Variants in MON2 observed in about 807,000 individuals in gnomAD.
MON2 encodes MON2 regulator of endosome-to-Golgi trafficking, also known as protein MON2 homolog.
In MON2, 84 loss-of-function variants were observed where a neutral mutation model predicts 208.6. That is an observed-to-expected ratio of 0.40 (90% confidence interval 0.34 to 0.48). The LOEUF is 0.48. Among genes scored for constraint, MON2 ranks in the 20% least tolerant of loss-of-function variants. The probability of loss-of-function intolerance (pLI) is 0.59; values close to 1 mark genes in which losing one functional copy is unlikely to be tolerated. For synonymous variants in MON2, 660 were observed against 694.0 expected (o/e 0.95, Z 0.77); for missense variants, 1,611 against 2,015.4 (o/e 0.80, Z 3.84).
chr12:62,543,681 C>T (rs927371574), intron 20 of MON2, among the ~76,000 whole-genome samples: 2 of 152,058 alleles, frequency 1.3e-5, no homozygotes, highest in Non-Finnish European at 2.9e-5. Flanking sequence ...GGTCTCGCCT[C>T]ACTGCAACCG....
Position 62,532,337 on chromosome 12 carries a change from G to A in MON2, c.1401-101G>A, listed in dbSNP as rs79570662. 3,069 of 871,478 alleles carry A rather than the reference G, an allele frequency of 3.5e-3. 59 individuals are homozygous for A. In the African/African-American group the frequency reaches 0.045, roughly 13 times the overall value. 54.0% of individuals were successfully genotyped at this position (871,478 alleles called of 1,614,324 possible). A position where few individuals can be genotyped will look rare whatever the true frequency, so the allele number is the denominator to read the frequency against. On this transcript the variant is annotated intron_variant, in intron 11 of 34. Coordinates refer to ENST00000393630, the MANE Select transcript of MON2 (RefSeq NM_015026.3). ...ATGTCCCTTTATTTTTTGCTATTCT[G>A]TTAATCTTAATTTCTATAGTCTGTA...
intron 8 of MON2, among the ~76,000 whole-genome samples, chr12:62,520,526 G>A (rs2071970337): frequency 6.6e-6 from 1 of 152,052 alleles, no homozygotes. Flanking sequence ...ATTCCACAGG[G>A]TAAAAAGACT....
chr12:62,550,898 C>CTTCT (rs201756958), intron 23 of MON2, among the ~76,000 whole-genome samples: 3 of 130,066 alleles, frequency 2.3e-5, no homozygotes, highest in African/African-American at 5.8e-5. Flanking sequence ...GCTGTACTTT[C>CTTCT]TTCTTTCTTT....
Position 62,501,668 on chromosome 12 carries a change from C to A in MON2, c.759C>A (p.Val253=), listed in dbSNP as rs1197354204. 6.2e-7 allele frequency: 1 copy of A among 1,614,024 alleles called. No homozygotes were observed. Residue 253 remains valine (V), a synonymous_variant, in exon 7 of 35, where the codon GTC becomes GTA. Coordinates refer to ENST00000393630, the MANE Select transcript of MON2 (RefSeq NM_015026.3). ...RTFGLELLES[V]LNDFPQVFLQ... is the part of the protein sequence containing the mutation. Reference sequence around the variant, plus strand: ...TTGGCCTCGAATTACTTGAGTCAGTCCTCAATGATTTTCCGCAGGTCTTTT... The same window carrying A: ...TTGGCCTCGAATTACTTGAGTCAGTACTCAATGATTTTCCGCAGGTCTTTT...
At position 62,591,788 on chromosome 12, in the gene MON2, A is replaced by G. The variant is rs570477023; in HGVS notation, c.4991-798A>G. On this transcript the variant is annotated intron_variant, in intron 34 of 34. Transcript: ENST00000393630. ...TAAATTGTAGTGAAAAACAGAATCAAAGCTCTCTACACATAGTATTTATTT... is the reference window on the plus strand; with the variant it reads ...TAAATTGTAGTGAAAAACAGAATCAGAGCTCTCTACACATAGTATTTATTT... Among the ~76,000 whole-genome samples the G allele has an allele frequency of 1.2e-4, 19 of 152,228 alleles. 1 individual carries two copies. In the East Asian group the frequency reaches 3.5e-3, roughly 28 times the overall value.
chr12:62,573,828 G>T (rs374558202), intron 30 of MON2, among the ~76,000 whole-genome samples: 1 of 151,920 alleles, frequency 6.6e-6, no homozygotes, highest in African/African-American at 2.4e-5. Context: ...GGAACCAAAG[G>T]CCAAATAATA....
At position 62,513,936 on chromosome 12, in the gene MON2, C is replaced by T. The variant is rs148312103; in HGVS notation, c.984+5456C>T. ...CTGCACTCCAGCCTGGGTGACAGAG[C>T]GAGACTCCATCTCAAAAAAAAAAAG... On this transcript the variant is annotated intron_variant, in intron 8 of 34. Coordinates refer to ENST00000393630, the MANE Select transcript of MON2 (RefSeq NM_015026.3). Among the ~76,000 whole-genome samples, 933 of 145,012 alleles carry T rather than the reference C, an allele frequency of 6.4e-3. 94 individuals carry two copies. Among genetic ancestry groups the T allele is most frequent in the Admixed American group, 9.6e-3 (136 of 14,112 alleles).
At chr12:62,520,313 AAGAGTCTT>A (rs1292407788) in intron 8 of MON2, among the ~76,000 whole-genome samples, 1 of 152,144 alleles carries the variant, frequency 6.6e-6, no homozygotes, top group Non-Finnish European at 1.5e-5. Context: ...CATATATCAG[AAGAGTCTT>A]AGGTTATAGG....
intron 30 of MON2, among the ~76,000 whole-genome samples, chr12:62,572,373 C>T (rs1306464823): frequency 2.0e-5 from 3 of 152,178 alleles, no homozygotes; most frequent in African/African-American, 7.2e-5. Context: ...TAAATGTGGA[C>T]TTGTCTGTAA....
chr12:62,498,860 A>G (rs990938423), intron 4 of MON2, 59 bp from the exon 5 acceptor site: 26 of 1,495,200 alleles, frequency 1.7e-5, no homozygotes, highest in Non-Finnish European at 2.2e-5. Context: ...ATTATTCAAT[A>G]AAGATAATGG....
At chr12:62,493,876 T>G in intron 2 of MON2, 39 bp from the exon 3 acceptor site, 1 of 1,352,680 alleles carries the variant, frequency 7.4e-7, no homozygotes, top group Non-Finnish European at 9.9e-7. Context: ...AATTATAGAT[T>G]AATTTTAATA....
chr12:62,490,412 C>A (rs929670318), intron 2 of MON2, among the ~76,000 whole-genome samples: 2 of 151,560 alleles, frequency 1.3e-5, no homozygotes, highest in African/African-American at 4.8e-5. Flanking sequence ...TGCTGTACAG[C>A]CTTTTTGTCA....
intron 2 of MON2, among the ~76,000 whole-genome samples, chr12:62,492,609 G>T (rs1304666767): frequency 6.8e-6 from 1 of 146,990 alleles, no homozygotes; most frequent in African/African-American, 2.5e-5. Flanking sequence ...CTGACCTCAT[G>T]ATCCACCCGC....
intron 33 of MON2, chr12:62,587,820 G>T (rs1438836305): frequency 1.0e-5 from 3 of 288,810 alleles, no homozygotes; most frequent in Non-Finnish European, 1.9e-5. Flanking sequence ...AATTTTTCAG[G>T]AGTAGATTGC....
intron 34 of MON2, 31 bp downstream of exon 34, chr12:62,588,187 C>G: frequency 7.1e-7 from 1 of 1,407,768 alleles, no homozygotes; most frequent in Non-Finnish European, 9.9e-7. Context: ...ATTCTAAATT[C>G]GTAACATTTA....
At chr12:62,558,670 G>A (rs551032883) in intron 25 of MON2, among the ~76,000 whole-genome samples, 1 of 150,324 alleles carries the variant, frequency 6.7e-6, no homozygotes, top group African/African-American at 2.4e-5. Context: ...TGTTTTTATT[G>A]TATGTAAATT....
intron 8 of MON2, among the ~76,000 whole-genome samples, chr12:62,511,409 ACACACACAAAAAC>A (rs1592916584): frequency 1.3e-5 from 2 of 152,316 alleles, no homozygotes; most frequent in East Asian, 3.9e-4. Flanking sequence ...TGGCATAAAG[ACACACACAAAAAC>A]CCATGGAACA....
chr12:62,581,788 C>G (rs1243800785), intron 32 of MON2, among the ~76,000 whole-genome samples: 1 of 152,082 alleles, frequency 6.6e-6, no homozygotes, highest in Non-Finnish European at 1.5e-5. Flanking sequence ...CAGGATCACA[C>G]TACTGCACTC....
At chr12:62,588,862 T>C in intron 34 of MON2, 1 of 1,473,550 alleles carries the variant, frequency 6.8e-7, no homozygotes, top group East Asian at 2.5e-5. Context: ...CCAGCTTGTA[T>C]CAGCCTATTT....
Sources: gnomAD v4.1 joint callset for allele counts (sites outside exome capture counted in the v4.1 genomes callset) on GRCh38, gnomAD v4.1.1 for gene constraint, MANE v1.5 for transcripts, NCBI Gene and HGNC (gene_info 2026-07-23, HGNC 2026-07-21) for gene names.